Variants in ITPKB observed in about 807,000 individuals in gnomAD.
The protein encoded by ITPKB is inositol-trisphosphate 3-kinase B, also known as IP3 3-kinase B.
ITPKB carries 13 observed loss-of-function variants against 69.4 expected under a neutral mutation model. That is an observed-to-expected ratio of 0.19 (90% CI 0.12 to 0.30). ITPKB has a LOEUF of 0.30. Among genes scored for constraint, ITPKB ranks in the 10% least tolerant of loss-of-function variants. The probability of loss-of-function intolerance (pLI) is 1.00; values close to 1 mark genes in which losing one functional copy is unlikely to be tolerated. For synonymous variants in ITPKB, 584 were observed against 513.7 expected (o/e 1.14, Z -1.85); for missense variants, 1,240 against 1,250.5 (o/e 0.99, Z 0.13).
chr1:226,680,074 A>AT (rs1656040134), intron 2 of ITPKB, among the ~76,000 whole-genome samples: 1 of 152,214 alleles, frequency 6.6e-6, no homozygotes, highest in South Asian at 2.1e-4. Context: ...ATCCTAACAC[A>AT]TCACCTGTGA....
intron 2 of ITPKB, among the ~76,000 whole-genome samples, chr1:226,713,053 CACAT>C (rs1241040712): frequency 2.6e-5 from 4 of 152,004 alleles, no homozygotes; most frequent in South Asian, 2.1e-4. Context: ...CCCATATACA[CACAT>C]GCATGCACAC....
intron 2 of ITPKB, among the ~76,000 whole-genome samples, chr1:226,705,301 G>T (rs533345105): frequency 1.3e-5 from 2 of 152,038 alleles, no homozygotes; most frequent in Admixed American, 1.3e-4. Context: ...AGGCCAAGGC[G>T]GGCAGGTCAC....
At chr1:226,668,955 T>A (rs1669557436) in intron 2 of ITPKB, 1 of 152,234 alleles carries the variant, frequency 6.6e-6, no homozygotes, top group Non-Finnish European at 1.5e-5. Context: ...TTAAATTCAT[T>A]ACTCCCTGCC....
intron 2 of ITPKB, among the ~76,000 whole-genome samples, chr1:226,667,012 C>A (rs892639006): frequency 3.3e-5 from 5 of 152,216 alleles, no homozygotes; most frequent in African/African-American, 1.2e-4. Context: ...GCCCCTCTGG[C>A]TGGAAGACCC....
chr1:226,701,036 A>T (rs748460557), intron 2 of ITPKB, among the ~76,000 whole-genome samples: 17 of 152,202 alleles, frequency 1.1e-4, no homozygotes, highest in Non-Finnish European at 2.4e-4. Context: ...GTTTCTATAG[A>T]CGTGGACAAG....
chr1:226,659,671 G>C (rs1337515683), intron 2 of ITPKB: 2 of 151,772 alleles, frequency 1.3e-5, no homozygotes, highest in Admixed American at 1.3e-4. Context: ...GCAGGATGTG[G>C]ATACGCAGAA....
chr1:226,713,702 G>A (rs1657029820), intron 2 of ITPKB, among the ~76,000 whole-genome samples: 1 of 152,170 alleles, frequency 6.6e-6, no homozygotes. Context: ...AGTTCACGAA[G>A]GACACCCTCC....
At chr1:226,646,185 G>C (rs184892079) in intron 4 of ITPKB, among the ~76,000 whole-genome samples, 3 of 152,228 alleles carry the variant, frequency 2.0e-5, no homozygotes, top group Admixed American at 6.5e-5. Flanking sequence ...GGAAGCATGG[G>C]GGGGCTTGGC....
intron 2 of ITPKB, among the ~76,000 whole-genome samples, chr1:226,696,316 T>C (rs1286682061): frequency 1.4e-5 from 2 of 146,030 alleles, no homozygotes; most frequent in African/African-American, 5.3e-5. Flanking sequence ...TATATAGATC[T>C]ACGTGTGTGT....
rs1199630597 is a variant in ITPKB, at chr1:226,736,646, T to C, written c.813A>G (p.Thr271=). 1.2e-6 allele frequency: 2 copies of C among 1,613,394 alleles called. No homozygotes were observed. The highest frequency in any genetic ancestry group is 1.3e-5 in the African/African-American group (1 of 74,948). ...AGCCCCTTTTGTCAATTTCCATAGC[T>C]GTGGGTGAGCCACAGCGGGGACTGG... The part of the protein sequence containing the change: ...IPASPRCGSP[T]AMEIDKRGSP... The change falls in exon 2 of 8, where the codon ACA becomes ACG. Residue 271 remains threonine, a synonymous_variant. Coordinates refer to ENST00000429204, the MANE Select transcript of ITPKB (RefSeq NM_002221.4).
chr1:226,655,468 G>A (rs2102752070), intron 2 of ITPKB, among the ~76,000 whole-genome samples: 1 of 152,328 alleles, frequency 6.6e-6, no homozygotes, highest in South Asian at 2.1e-4. Context: ...CAATCCTAGG[G>A]CAGGGGAGGG....
At chr1:226,703,359 C>T (rs1656713982) in intron 2 of ITPKB, among the ~76,000 whole-genome samples, 1 of 152,262 alleles carries the variant, frequency 6.6e-6, no homozygotes, top group Non-Finnish European at 1.5e-5. Flanking sequence ...CCTCCGCCCT[C>T]AGCTCAGGCC....
Position 226,707,061 on chromosome 1 carries a change from C to T in ITPKB, c.1932+28466G>A, listed in dbSNP as rs114523221. On this transcript the variant is annotated intron_variant, in intron 2 of 7. Coordinates refer to ENST00000429204, the MANE Select transcript of ITPKB (RefSeq NM_002221.4). ...AGAAAAATTATGAAAAACCATCACC[C>T]TCCAGTACCATATGGGCTCTATTTC... 1,615 of 423,716 alleles carry T rather than the reference C, an allele frequency of 3.8e-3. 31 individuals are homozygous for T. The highest frequency in any genetic ancestry group is 0.033 in the African/African-American group (1,528 of 46,566). The allele number at this position is 423,716 out of a possible 1,614,324, so 26.2% of individuals were successfully genotyped here.
chr1:226,726,280 C>T (rs1657407519), intron 2 of ITPKB, among the ~76,000 whole-genome samples: 1 of 152,194 alleles, frequency 6.6e-6, no homozygotes, highest in Non-Finnish European at 1.5e-5. Flanking sequence ...TGAGTCTCCT[C>T]AACTACTTGC....
chr1:226,715,648 G>GT (rs1300794153), intron 2 of ITPKB, among the ~76,000 whole-genome samples: 2 of 152,186 alleles, frequency 1.3e-5, no homozygotes, highest in African/African-American at 4.8e-5. Context: ...AGTCAGGAAT[G>GT]TAACAAGAGG....
chr1:226,665,391 C>G (rs1442435133), intron 2 of ITPKB, among the ~76,000 whole-genome samples: 2 of 152,256 alleles, frequency 1.3e-5, no homozygotes, highest in Non-Finnish European at 2.9e-5. Flanking sequence ...GCTGCTGTTT[C>G]TCCCTCTGCA....
intron 2 of ITPKB, among the ~76,000 whole-genome samples, chr1:226,686,187 C>T (rs1438373986): frequency 6.6e-6 from 1 of 152,174 alleles, no homozygotes; most frequent in Non-Finnish European, 1.5e-5. Context: ...CTAATGAGGC[C>T]ATGGGGGTGG....
chr1:226,656,558 G>GC, intron 2 of ITPKB: 1 of 152,226 alleles, frequency 6.6e-6, no homozygotes, highest in Non-Finnish European at 1.5e-5. Context: ...CCTTCCTCCA[G>GC]CCCCCTTCTT....
rs1656130188 is a variant in ITPKB, at chr1:226,683,392, AGGAACTAAGATGACCT to A, written c.1933-34637_1933-34622del. ...ACAGCCCTGTGAGGCAGCTGACTGC[AGGAACTAAGATGACCT>A]GGATTCATCGGTAAGAAAACAGAGG... On this transcript the variant is annotated intron_variant, in intron 2 of 7. Coordinates refer to ENST00000429204, the MANE Select transcript of ITPKB (RefSeq NM_002221.4). 2.6e-5 allele frequency among the ~76,000 whole-genome samples: 4 copies of A among 152,330 alleles called. No individual in the cohort carries two copies. The East Asian group carries it at 7.7e-4, about 29-fold the overall frequency.
Sources: gnomAD v4.1 joint callset for allele counts (sites outside exome capture counted in the v4.1 genomes callset) on GRCh38, gnomAD v4.1.1 for gene constraint, MANE v1.5 for transcripts, NCBI Gene and HGNC (gene_info 2026-07-23, HGNC 2026-07-21) for gene names.